Variants in ANO3 observed in about 807,000 individuals in gnomAD.
ANO3 encodes anoctamin-3.
In ANO3, 99 loss-of-function variants were observed where a neutral mutation model predicts 144.8. That is an observed-to-expected ratio of 0.68 (90% CI 0.58 to 0.81). ANO3 has a LOEUF of 0.81. Ranked by LOEUF, ANO3 falls within the 30% of genes least tolerant of loss-of-function variation. The pLI is 0.00. For missense variants in ANO3, 905 were observed against 1,202.2 expected (o/e 0.75, Z 3.66); for synonymous variants, 414 against 392.6 (o/e 1.05, Z -0.64).
chr11:26,640,924 C>G (rs1230253422), intron 21 of ANO3, among the ~76,000 whole-genome samples: 1 of 152,160 alleles, frequency 6.6e-6, no homozygotes, highest in South Asian at 2.1e-4. Flanking sequence ...TTTTCACCTT[C>G]ATGAGGCTCT....
chr11:26,340,421 TTACATC>T (rs1340240393), intron 1 of ANO3, among the ~76,000 whole-genome samples: 1 of 152,202 alleles, frequency 6.6e-6, no homozygotes, highest in Non-Finnish European at 1.5e-5. Flanking sequence ...GCTCATTTTC[TTACATC>T]TATATGATCT....
At chr11:26,548,044 C>T (rs1321665537) in intron 12 of ANO3, among the ~76,000 whole-genome samples, 2 of 152,058 alleles carry the variant, frequency 1.3e-5, no homozygotes, top group East Asian at 3.9e-4. Flanking sequence ...CTAAATAAAA[C>T]AATTATACCA....
intron 2 of ANO3, among the ~76,000 whole-genome samples, chr11:26,442,534 A>G (rs1166127266): frequency 6.6e-6 from 1 of 152,246 alleles, no homozygotes; most frequent in Non-Finnish European, 1.5e-5. Flanking sequence ...ATTTGGTGGC[A>G]TAAAGATTTA....
At chr11:26,631,085 AT>A (rs1186084998) in intron 18 of ANO3, among the ~76,000 whole-genome samples, 2 of 151,784 alleles carry the variant, frequency 1.3e-5, no homozygotes, top group Non-Finnish European at 2.9e-5. Context: ...TTTATTATAT[AT>A]AAATGTTTTA....
Position 26,643,289 on chromosome 11 carries a change from G to A in ANO3, c.2383G>A (p.Val795Ile), listed in dbSNP as rs1453941870. 7.4e-6 allele frequency: 12 copies of A among 1,614,114 alleles called. No individual in the cohort carries two copies. The highest frequency in any genetic ancestry group is 1.0e-5 in the Non-Finnish European group (12 of 1,180,022). ...IEIRLDAYKF[V>I]TQWRRPLPAR... The stretch of plus-strand genomic sequence containing the variant: ...AATCAGGCTGGATGCATACAAATTT[G>A]TCACTCAATGGCGGAGGCCTTTGCC... Residue 795 changes from valine (V) to isoleucine (I), a missense_variant, in exon 23 of 27, where the codon GTC (valine) becomes ATC (isoleucine). By Grantham distance (29) the Val-to-Ile change is conservative. Transcript: ENST00000256737.
At chr11:26,496,149 T>A (rs1228755479) in intron 4 of ANO3, among the ~76,000 whole-genome samples, 1 of 152,236 alleles carries the variant, frequency 6.6e-6, no homozygotes, top group African/African-American at 2.4e-5. Context: ...TTTGCAAGCA[T>A]GCAAATAAAT....
chr11:26,334,544 C>A (rs2133891853), intron 1 of ANO3, among the ~76,000 whole-genome samples: 1 of 152,318 alleles, frequency 6.6e-6, no homozygotes, highest in Non-Finnish European at 1.5e-5. Flanking sequence ...GCGTTTGTTA[C>A]TAGCTGAGAA....
chr11:26,488,629 A>G (rs1219883614), intron 4 of ANO3, among the ~76,000 whole-genome samples: 1 of 152,038 alleles, frequency 6.6e-6, no homozygotes, highest in African/African-American at 2.4e-5. Flanking sequence ...GCTCTTAAAG[A>G]TCGTGCATCT....
At chr11:26,193,210 C>T (rs972696589) in intron 1 of ANO3, among the ~76,000 whole-genome samples, 3 of 145,176 alleles carry the variant, frequency 2.1e-5, no homozygotes, top group East Asian at 2.0e-4. Flanking sequence ...GGCGCCATCT[C>T]GGCTCACCGC....
In ANO3 at chr11:26,237,914, T is replaced by C. The variant is rs114024557; in HGVS notation, c.154+48584T>C. Among the ~76,000 whole-genome samples the C allele has an allele frequency of 2.9e-3, 438 of 152,258 alleles. 2 individuals are homozygous for C. The highest frequency in any genetic ancestry group is 0.01 in the African/African-American group (418 of 41,554). Reference sequence around the variant, plus strand: ...TGTTTATGACTGTCACAAGTTAGTATAAAATTCAAGATCTATGTTGACTCT... The same window carrying C: ...TGTTTATGACTGTCACAAGTTAGTACAAAATTCAAGATCTATGTTGACTCT... On this transcript the variant is annotated intron_variant, in intron 1 of 27. Coordinates refer to the ANO3 transcript ENST00000672621.
intron 14 of ANO3, among the ~76,000 whole-genome samples, chr11:26,590,787 G>A (rs1851424473): frequency 6.6e-6 from 1 of 152,204 alleles, no homozygotes; most frequent in Non-Finnish European, 1.5e-5. Context: ...ATCCGGAGGG[G>A]TGGAAGTCAG....
At chr11:26,338,753 G>T (rs1012107662) in intron 1 of ANO3, among the ~76,000 whole-genome samples, 1 of 151,914 alleles carries the variant, frequency 6.6e-6, no homozygotes, top group Non-Finnish European at 1.5e-5. Context: ...AACACTTGCT[G>T]TGAGGGTCTG....
At chr11:26,379,839 G>A (rs1416306485) in intron 1 of ANO3, among the ~76,000 whole-genome samples, 1 of 152,114 alleles carries the variant, frequency 6.6e-6, no homozygotes, top group East Asian at 1.9e-4. Flanking sequence ...ATTGGTAGTA[G>A]AGTTGAAAGA....
chr11:26,299,583 TG>T (rs1448856850), intron 1 of ANO3, among the ~76,000 whole-genome samples: 1 of 152,088 alleles, frequency 6.6e-6, no homozygotes, highest in African/African-American at 2.4e-5. Context: ...AAGACCTATT[TG>T]TATAGTGATG....
In ANO3 at chr11:26,342,250, A is replaced by G. The variant is rs117007511; in HGVS notation, c.46+9929A>G. Among the ~76,000 whole-genome samples the G allele has an allele frequency of 3.3e-5, 5 of 152,294 alleles. No homozygotes were observed. The East Asian group carries it at 9.7e-4, about 29-fold the overall frequency. ...CCTCCTATAGGGACTGCTATATAGT[A>G]GGCTAAATGCATGTGCTATGGTCTC... is the stretch of plus-strand genomic sequence containing the variant. On this transcript the variant is annotated intron_variant, in intron 1 of 26. Coordinates refer to ENST00000256737, the MANE Select transcript of ANO3 (RefSeq NM_031418.4).
chr11:26,248,816 A>C (rs1368540366), intron 1 of ANO3, among the ~76,000 whole-genome samples: 1 of 152,158 alleles, frequency 6.6e-6, no homozygotes, highest in Non-Finnish European at 1.5e-5. Flanking sequence ...AACCATACGC[A>C]CACAGCAGGA....
At chr11:26,230,618 G>A (rs1852369658) in intron 1 of ANO3, among the ~76,000 whole-genome samples, 1 of 151,440 alleles carries the variant, frequency 6.6e-6, no homozygotes, top group Non-Finnish European at 1.5e-5. Flanking sequence ...CCAACATGGT[G>A]AAACCCCGTC....
intron 12 of ANO3, among the ~76,000 whole-genome samples, chr11:26,548,957 A>G (rs1849860074): frequency 6.6e-6 from 1 of 151,898 alleles, no homozygotes; most frequent in Admixed American, 6.6e-5. Flanking sequence ...ATTGGAAAAA[A>G]AAAAAAAACA....
chr11:26,322,952 A>G (rs906099093), intron 1 of ANO3, among the ~76,000 whole-genome samples: 1 of 151,958 alleles, frequency 6.6e-6, no homozygotes, highest in Non-Finnish European at 1.5e-5. Context: ...TTATGTCATC[A>G]TGGACTCATG....
Sources: allele counts gnomAD v4.1 joint callset (sites outside exome capture counted in the v4.1 genomes callset), GRCh38; gene constraint gnomAD v4.1.1; transcripts MANE v1.5; gene names NCBI Gene and HGNC (gene_info 2026-07-23, HGNC 2026-07-21).